Variants in GSS observed in about 807,000 individuals in gnomAD.
GSS encodes the protein GSH synthetase.
A neutral mutation model predicts 60.4 loss-of-function variants in GSS; 34 were observed. The observed-to-expected ratio is 0.56, with a 90% CI of 0.43 to 0.75. GSS has a LOEUF of 0.75. GSS is among the 30% of genes least tolerant of loss of function. The probability of loss-of-function intolerance (pLI) is 0.00; values close to 1 mark genes in which losing one functional copy is unlikely to be tolerated. For missense variants in GSS, 499 were observed against 595.1 expected (o/e 0.84, Z 1.68); for synonymous variants, 224 against 239.0 (o/e 0.94, Z 0.58).
At chr20:34,951,645 G>A (rs988155094) in intron 2 of GSS, 79 bp downstream of exon 2, 5 of 1,470,630 alleles carry the variant, frequency 3.4e-6, no homozygotes, top group African/African-American at 2.8e-5. Flanking sequence ...GGTCCCTGAT[G>A]CAAAGGAGTG....
chr20:34,948,925 G>A (rs984778441), intron 2 of GSS, among the ~76,000 whole-genome samples: 4 of 152,336 alleles, frequency 2.6e-5, no homozygotes, highest in Non-Finnish European at 1.5e-5. Flanking sequence ...TCTAAAGGGG[G>A]CAGCCAGAAC....
chr20:34,935,758 G>T, intron 8 of GSS, 116 bp from the exon 9 acceptor site: 3 of 758,784 alleles, frequency 4.0e-6, no homozygotes, highest in Non-Finnish European at 6.9e-6. Context: ...TCAGCCCACA[G>T]TGGGAGCCTG....
At chr20:34,950,018 C>CACACACACACACACAA (rs2081554748) in intron 2 of GSS, 1 of 145,610 alleles carries the variant, frequency 6.9e-6, no homozygotes, top group South Asian at 2.1e-4. Flanking sequence ...CTCTCTCACA[C>CACACACACACACACAA]ACACACACAC....
At chr20:34,950,520 T>A (rs960010288) in intron 2 of GSS, among the ~76,000 whole-genome samples, 1 of 151,850 alleles carries the variant, frequency 6.6e-6, no homozygotes, top group Non-Finnish European at 1.5e-5. Flanking sequence ...ATCCCAGCAA[T>A]TTTGGGGGGC....
At chr20:34,955,829 C>G (rs946508814), upstream of GSS, 1 of 152,288 alleles carries the variant, frequency 6.6e-6, no homozygotes, top group Non-Finnish European at 1.5e-5. Flanking sequence ...CGCTGACCGC[C>G]CCGGCTAGGC....
chr20:34,945,817 T>C (rs1289341467), intron 3 of GSS, 136 bp downstream of exon 3: 2 of 897,560 alleles, frequency 2.2e-6, no homozygotes, highest in East Asian at 2.5e-5. Flanking sequence ...CTGACTCCTA[T>C]GACTTTTTGT....
intron 1 of GSS, 138 bp from the exon 2 acceptor site, chr20:34,951,998 A>G: frequency 1.2e-6 from 1 of 824,708 alleles, no homozygotes. Context: ...ACAGGAGTGA[A>G]CACTGGCTGG....
chr20:34,945,023 T>C (rs1403659684), intron 3 of GSS, among the ~76,000 whole-genome samples: 1 of 151,632 alleles, frequency 6.6e-6, no homozygotes, highest in Non-Finnish European at 1.5e-5. Context: ...ATATGTATTA[T>C]TATTTCTTTT....
intron 6 of GSS, among the ~76,000 whole-genome samples, chr20:34,937,950 T>C (rs773542629): frequency 1.3e-5 from 2 of 152,122 alleles, no homozygotes; most frequent in Non-Finnish European, 2.9e-5. Context: ...CTCCACCCCC[T>C]GGGTTCCAGC....
At chr20:34,948,534 C>G (rs977906996) in intron 2 of GSS, among the ~76,000 whole-genome samples, 2 of 152,082 alleles carry the variant, frequency 1.3e-5, no homozygotes, top group Non-Finnish European at 2.9e-5. Flanking sequence ...GCCTGTAATC[C>G]CAGCACTTTG....
Position 34,935,623 on chromosome 20 carries a change from C to G in GSS, c.787G>C (p.Val263Leu), listed in dbSNP as rs1600381232. The change falls in exon 9 of 13, where the codon GTG (valine) becomes CTG (leucine). Residue 263 changes from valine to leucine, a missense_variant. Coordinates refer to ENST00000651619, the MANE Select transcript of GSS (RefSeq NM_000178.4). ...RLFVDGQEIA[V>L]VYFRDGYMPR... ...ATGTAGCCATCCCGGAAGTAAACCA[C>G]AGCAATTTCCTGGCCATCCCTGGAA... 1 of 1,613,130 alleles carries G rather than the reference C, an allele frequency of 6.2e-7. No individual in the cohort carries two copies. The highest frequency in any genetic ancestry group is 8.5e-7 in the Non-Finnish European group (1 of 1,179,032).
At chr20:34,946,627 A>C (rs867658721) in intron 2 of GSS, 1 of 152,648 alleles carries the variant, frequency 6.6e-6, no homozygotes, top group Admixed American at 6.5e-5. Context: ...ACATACATAC[A>C]TGGAAGCCTG....
At chr20:34,932,848 C>CT (rs199869372) in intron 9 of GSS, among the ~76,000 whole-genome samples, 7 of 151,220 alleles carry the variant, frequency 4.6e-5, no homozygotes, top group African/African-American at 7.3e-5. Flanking sequence ...TTTTTGTTTA[C>CT]TTTTTTTTTC....
At chr20:34,955,316 G>C (rs1339428635) in intron 1 of GSS, 3 of 152,372 alleles carry the variant, frequency 2.0e-5, no homozygotes, top group Non-Finnish European at 4.4e-5. Context: ...ACGCCCACAA[G>C]GAAATCGGTC....
In GSS at chr20:34,931,326, A is replaced by T; in HGVS notation, c.1111+10T>A. 6.2e-7 allele frequency: 1 copy of T among 1,606,904 alleles called. No homozygotes were observed. Among genetic ancestry groups the T allele is most frequent in the Non-Finnish European group, 8.5e-7 (1 of 1,173,388 alleles). On this transcript the variant is annotated intron_variant, in intron 11 of 12. Coordinates refer to ENST00000651619, the MANE Select transcript of GSS (RefSeq NM_000178.4). ...TCATTGAGGAGCCCTGCAAAGGGAG[A>T]TCCACCTACCTCCACCCTCTCTCTG...
chr20:34,942,923 A>C lies in GSS; in HGVS notation c.351+8T>G, dbSNP rs775272853. On this transcript the variant is annotated splice_region_variant and intron_variant, in intron 4 of 12. Transcript: ENST00000651619. ...GTTACAGACTGGAGTAGGGCTGGGA[A>C]TGGTTACCTGGGCAATGCCCTCTTT... 1 of 1,575,172 alleles carries C rather than the reference A, an allele frequency of 6.3e-7. No individual in the cohort carries two copies. Among genetic ancestry groups the C allele is most frequent in the South Asian group, 1.1e-5 (1 of 89,306 alleles).
At chr20:34,950,677 G>C (rs1316475466) in intron 2 of GSS, among the ~76,000 whole-genome samples, 1 of 152,150 alleles carries the variant, frequency 6.6e-6, no homozygotes, top group African/African-American at 2.4e-5. Context: ...GCTGAGGTGG[G>C]AGAATTGCTT....
At chr20:34,929,245 AATAG>A (rs1422263700) in intron 12 of GSS, 152 bp downstream of exon 12, 4 of 771,292 alleles carry the variant, frequency 5.2e-6, no homozygotes, top group Non-Finnish European at 9.0e-6. Context: ...GGCCTCATTT[AATAG>A]ATAAAGAAAC....
At chr20:34,935,294 A>C (rs1254346632) in intron 9 of GSS, among the ~76,000 whole-genome samples, 1 of 152,244 alleles carries the variant, frequency 6.6e-6, no homozygotes, top group Non-Finnish European at 1.5e-5. Context: ...TATATCAACC[A>C]GTGAGAGCTG....
Sources: gnomAD v4.1 joint callset for allele counts (sites outside exome capture counted in the v4.1 genomes callset) on GRCh38, gnomAD v4.1.1 for gene constraint, MANE v1.5 for transcripts, NCBI Gene and HGNC (gene_info 2026-07-23, HGNC 2026-07-21) for gene names.